The following ARHGAP42 variants were observed in gnomAD, a reference collection of about 807,000 sequenced individuals.
The protein encoded by ARHGAP42 is rho GTPase-activating protein 42.
A neutral mutation model predicts 125.0 loss-of-function variants in ARHGAP42; 63 were observed. That is an observed-to-expected ratio of 0.50 (90% CI 0.41 to 0.62). ARHGAP42 has a LOEUF of 0.62. ARHGAP42 is among the 20% of genes least tolerant of loss of function. The pLI is 0.00. For synonymous variants in ARHGAP42, 339 were observed against 351.0 expected (o/e 0.97, Z 0.38); for missense variants, 766 against 1,024.2 (o/e 0.75, Z 3.44).
intron 1 of ARHGAP42, among the ~76,000 whole-genome samples, chr11:100,710,321 G>T (rs1200297367): frequency 6.6e-6 from 1 of 151,542 alleles, no homozygotes; most frequent in African/African-American, 2.4e-5. Context: ...TCCACCTCCC[G>T]GTTGAAACGA....
chr11:100,904,466 C>T (rs1427994671), intron 4 of ARHGAP42, among the ~76,000 whole-genome samples: 7 of 152,040 alleles, frequency 4.6e-5, no homozygotes, highest in African/African-American at 1.2e-4. Flanking sequence ...AGGCTGGTCT[C>T]GAACTCCTGA....
intron 3 of ARHGAP42, among the ~76,000 whole-genome samples, chr11:100,833,722 C>T (rs1469329694): frequency 2.6e-5 from 4 of 152,094 alleles, no homozygotes; most frequent in East Asian, 1.9e-4. Flanking sequence ...CTTATCGCCT[C>T]GTATTGCTTT....
chr11:100,953,046 T>C (rs1857706963), intron 12 of ARHGAP42, among the ~76,000 whole-genome samples: 1 of 152,170 alleles, frequency 6.6e-6, no homozygotes, highest in Non-Finnish European at 1.5e-5. Flanking sequence ...TGTGAGCTCA[T>C]TGTGTTAAGT....
chr11:100,823,397 G>T (rs1242099716), intron 3 of ARHGAP42, among the ~76,000 whole-genome samples: 3 of 152,120 alleles, frequency 2.0e-5, no homozygotes, highest in Non-Finnish European at 4.4e-5. Context: ...TCTGGAAAGG[G>T]TTATTTCAGA....
chr11:100,968,887 A>G (rs1181110065), intron 17 of ARHGAP42, among the ~76,000 whole-genome samples: 1 of 151,918 alleles, frequency 6.6e-6, no homozygotes, highest in African/African-American at 2.4e-5. Context: ...GAAGAAATAT[A>G]TATTTCTACT....
At chr11:100,909,573 A>T (rs1866853620) in intron 4 of ARHGAP42, among the ~76,000 whole-genome samples, 1 of 151,990 alleles carries the variant, frequency 6.6e-6, no homozygotes, top group African/African-American at 2.4e-5. Context: ...CGAACTCCTG[A>T]CCTCGGACGA....
chr11:100,849,795 A>G (rs1333063142), intron 3 of ARHGAP42, among the ~76,000 whole-genome samples: 1 of 152,186 alleles, frequency 6.6e-6, no homozygotes, highest in Non-Finnish European at 1.5e-5. Context: ...TCTTAGCTGT[A>G]CAAGTTCCAA....
intron 1 of ARHGAP42, among the ~76,000 whole-genome samples, chr11:100,735,602 C>CTTTTTTTTTTTTTTTTTTTTTTTTTTTTT (rs58522622): frequency 2.7e-5 from 2 of 73,048 alleles, no homozygotes; most frequent in Non-Finnish European, 4.8e-5. Context: ...TTTACTTGTA[C>CTTTTTTTTTTTTTTTTTTTTTTTTTTTTT]TTTTTTTTTT....
At position 100,991,214 on chromosome 11, in the gene ARHGAP42, T is replaced by A. The variant is rs557445343; in HGVS notation, c.*2413T>A. The A allele has an allele frequency of 6.6e-6, 1 of 152,330 alleles. No individual in the cohort carries two copies. The highest frequency in any genetic ancestry group is 6.5e-5 in the Admixed American group (1 of 15,292). The allele number at this position is 152,330 out of a possible 1,614,324, so 9.4% of individuals were successfully genotyped here. ...ATGTAAGCAAGTCATGGCCATATACTGGAGACGGGCTAAAGCTGCTTTTCC... is the reference window on the plus strand; with the variant it reads ...ATGTAAGCAAGTCATGGCCATATACAGGAGACGGGCTAAAGCTGCTTTTCC... On this transcript the variant is annotated 3_prime_UTR_variant, in exon 24 of 24. Transcript: ENST00000298815.
At chr11:100,911,128 A>G (rs184866900) in intron 4 of ARHGAP42, among the ~76,000 whole-genome samples, 2 of 152,316 alleles carry the variant, frequency 1.3e-5, no homozygotes, top group Non-Finnish European at 2.9e-5. Flanking sequence ...TTTCTGTACT[A>G]TACTGTAACC....
At chr11:100,802,883 C>A (rs1863893585) in intron 3 of ARHGAP42, among the ~76,000 whole-genome samples, 1 of 152,182 alleles carries the variant, frequency 6.6e-6, no homozygotes, top group South Asian at 2.1e-4. Flanking sequence ...ATGATTGGCT[C>A]CCTCTTGTCA....
At position 100,718,211 on chromosome 11, in the gene ARHGAP42, T is replaced by C. The variant is rs182983004; in HGVS notation, c.154+30379T>C. Among the ~76,000 whole-genome samples the C allele has an allele frequency of 2.4e-3, 361 of 152,234 alleles. 1 individual carries two copies. Among genetic ancestry groups the C allele is most frequent in the Non-Finnish European group, 4.0e-3 (272 of 68,010 alleles). On this transcript the variant is annotated intron_variant, in intron 1 of 23. Coordinates refer to ENST00000298815, the MANE Select transcript of ARHGAP42 (RefSeq NM_152432.4). The stretch of plus-strand genomic sequence containing the variant: ...AAGAGAGATGGTTTGGAGGTCACAG[T>C]GTTTGTGGCATGAGACACATTTTAT...
chr11:100,722,758 C>T (rs1014419315), intron 1 of ARHGAP42, among the ~76,000 whole-genome samples: 1 of 152,180 alleles, frequency 6.6e-6, no homozygotes, highest in African/African-American at 2.4e-5. Flanking sequence ...GCTTTTTATT[C>T]TCCCAACAGT....
At chr11:100,817,586 C>G (rs539111765) in intron 3 of ARHGAP42, among the ~76,000 whole-genome samples, 2 of 152,118 alleles carry the variant, frequency 1.3e-5, no homozygotes, top group Non-Finnish European at 2.9e-5. Flanking sequence ...GTTTCGTAAA[C>G]TCAAATACAT....
intron 1 of ARHGAP42, among the ~76,000 whole-genome samples, chr11:100,768,342 G>T (rs1337130644): frequency 1.3e-5 from 2 of 152,130 alleles, no homozygotes; most frequent in African/African-American, 4.8e-5. Context: ...TAGGATTCTT[G>T]CTGAAGAAAG....
intron 3 of ARHGAP42, among the ~76,000 whole-genome samples, chr11:100,807,247 G>A (rs1259986115): frequency 2.0e-5 from 3 of 151,676 alleles, no homozygotes; most frequent in Non-Finnish European, 4.4e-5. Context: ...CCAGGCTGGA[G>A]TGCAATGGCA....
intron 1 of ARHGAP42, among the ~76,000 whole-genome samples, chr11:100,746,705 C>T (rs4532998): frequency 0.026 from 3,953 of 152,220 alleles, 65 homozygotes; most frequent in Non-Finnish European, 0.031. Context: ...GAACAAAGTG[C>T]ACCTTAAAGA....
At chr11:100,753,111 A>C (rs185571400) in intron 1 of ARHGAP42, among the ~76,000 whole-genome samples, 2 of 152,252 alleles carry the variant, frequency 1.3e-5, no homozygotes. Flanking sequence ...TGGGTCAGGC[A>C]GGCCCTTGCT....
intron 4 of ARHGAP42, among the ~76,000 whole-genome samples, chr11:100,887,171 G>T (rs941281725): frequency 1.3e-5 from 2 of 152,142 alleles, no homozygotes; most frequent in Non-Finnish European, 2.9e-5. Flanking sequence ...TGCATTTCCA[G>T]TACTCAGAAA....
Sources: allele counts gnomAD v4.1 joint callset (sites outside exome capture counted in the v4.1 genomes callset), GRCh38; gene constraint gnomAD v4.1.1; transcripts MANE v1.5; gene names NCBI Gene and HGNC (gene_info 2026-07-23, HGNC 2026-07-21).